The following UPK1B variants were observed in gnomAD, a reference collection of about 807,000 sequenced individuals.
UPK1B encodes the protein uroplakin 1B.
Under a neutral mutation model 34.2 loss-of-function variants are expected in UPK1B, and 28 were observed. The ratio of observed to expected loss-of-function variants is 0.82; its 90% CI spans 0.61 to 1.12. The LOEUF is 1.12. Ranked by LOEUF, UPK1B falls within the 50% of genes most tolerant of loss-of-function variation. The pLI is 0.00. For synonymous variants in UPK1B, 81 were observed against 110.4 expected, an observed-to-expected ratio of 0.73 and a Z score of 1.67; for missense variants, 325 against 320.9, an observed-to-expected ratio of 1.01 and a Z score of -0.10.
chr3:119,177,761 A>G (rs1374392252), intron 1 of UPK1B, among the ~76,000 whole-genome samples: 1 of 152,236 alleles, frequency 6.6e-6, no homozygotes, highest in African/African-American at 2.4e-5. Flanking sequence ...TGGCTTCAGA[A>G]TATCTTATTA....
At chr3:119,198,552 T>C (rs2078076701) in intron 6 of UPK1B, among the ~76,000 whole-genome samples, 1 of 152,210 alleles carries the variant, frequency 6.6e-6, no homozygotes. Context: ...TATGTTGAAA[T>C]ATAACATCAA....
rs114952474 is a variant in UPK1B, at chr3:119,185,466, A to G, written c.-28-1248A>G. The stretch of plus-strand genomic sequence containing the variant: ...AACTTTTCCTTTCTCTTTACCTGGA[A>G]TGTCACCCACCCCCACCTCACTCCC... On this transcript the variant is annotated intron_variant, in intron 1 of 7. Coordinates refer to ENST00000264234, the MANE Select transcript of UPK1B (RefSeq NM_006952.4). Among the ~76,000 whole-genome samples, 316 of 152,056 alleles carry G rather than the reference A, an allele frequency of 2.1e-3. 2 individuals carry two copies. The highest frequency in any genetic ancestry group is 0.014 in the Middle Eastern group (4 of 294).
chr3:119,200,466 C>T (rs550607292), intron 7 of UPK1B, among the ~76,000 whole-genome samples: 1 of 152,342 alleles, frequency 6.6e-6, no homozygotes, highest in East Asian at 1.9e-4. Flanking sequence ...TTGCACTTTG[C>T]ATATATCTTT....
intron 7 of UPK1B, among the ~76,000 whole-genome samples, chr3:119,202,992 G>C (rs951121402): frequency 6.6e-6 from 1 of 152,088 alleles, no homozygotes; most frequent in Non-Finnish European, 1.5e-5. Flanking sequence ...GGAGCAGGAT[G>C]GATTTGGTGT....
chr3:119,199,796 C>A (rs1192975591), intron 7 of UPK1B, among the ~76,000 whole-genome samples: 2 of 152,220 alleles, frequency 1.3e-5, no homozygotes, highest in African/African-American at 4.8e-5. Flanking sequence ...CTTAGAGAAG[C>A]AGTCACAAAC....
At chr3:119,191,367 A>G (rs1028758202) in intron 5 of UPK1B, among the ~76,000 whole-genome samples, 3 of 152,082 alleles carry the variant, frequency 2.0e-5, no homozygotes, top group African/African-American at 7.2e-5. Context: ...CCTTTTGGGT[A>G]CCTCTTCACA....
intron 7 of UPK1B, among the ~76,000 whole-genome samples, chr3:119,202,152 C>G (rs1266669976): frequency 3.3e-5 from 5 of 152,168 alleles, no homozygotes; most frequent in Non-Finnish European, 5.9e-5. Context: ...AATATTAAAT[C>G]CCCACAACAG....
intron 7 of UPK1B, among the ~76,000 whole-genome samples, chr3:119,201,050 T>A (rs2107438872): frequency 6.6e-6 from 1 of 152,354 alleles, no homozygotes; most frequent in East Asian, 1.9e-4. Flanking sequence ...TTAAATTTTT[T>A]TTTTTTACTG....
intron 1 of UPK1B, among the ~76,000 whole-genome samples, chr3:119,181,747 A>G (rs1229712337): frequency 1.3e-5 from 2 of 152,342 alleles, no homozygotes; most frequent in South Asian, 4.1e-4. Flanking sequence ...TGCGCCTACT[A>G]CATGTCAGGT....
intron 1 of UPK1B, among the ~76,000 whole-genome samples, chr3:119,183,277 T>G (rs2077997878): frequency 6.6e-6 from 1 of 151,796 alleles, no homozygotes; most frequent in African/African-American, 2.4e-5. Flanking sequence ...TTTTGTTTTT[T>G]TTTTTTTTGG....
intron 7 of UPK1B, among the ~76,000 whole-genome samples, chr3:119,199,444 C>T (rs1249888602): frequency 6.6e-6 from 1 of 151,312 alleles, no homozygotes; most frequent in African/African-American, 2.5e-5. Context: ...GTGAACTGCT[C>T]CTCCTGGTCT....
rs1330075174 is a variant in UPK1B, at chr3:119,194,339, A to G, written c.589A>G (p.Lys197Glu). The change falls in exon 6 of 8, where the codon AAA becomes GAA. Residue 197 changes from lysine (K) to glutamate (E), a missense_variant. Physicochemically the swap from Lys to Glu is moderately conservative, Grantham distance 56 (BLOSUM62 1). Transcript: ENST00000264234. The stretch of plus-strand genomic sequence containing the variant: ...TCAATGCTGTGTTATGAACAATCTT[A>G]AAGAACCTCTCAACCTGGAGGCTTG... ...PRQCCVMNNL[K>E]EPLNLEACKL... 6.2e-7 allele frequency: 1 copy of G among 1,613,816 alleles called. No homozygotes were observed. The highest frequency in any genetic ancestry group is 8.5e-7 in the Non-Finnish European group (1 of 1,179,926).
chr3:119,202,163 T>C (rs187444320), intron 7 of UPK1B, among the ~76,000 whole-genome samples: 1 of 152,300 alleles, frequency 6.6e-6, no homozygotes, highest in African/African-American at 2.4e-5. Flanking sequence ...CCCACAACAG[T>C]AGCTAAGCAG....
chr3:119,186,702 T>G lies in UPK1B; in HGVS notation c.-28-12T>G, dbSNP rs139789112. 8.1e-3 allele frequency: 13,065 copies of G among 1,605,862 alleles called. 77 individuals carry two copies. Among genetic ancestry groups the G allele is most frequent in the Non-Finnish European group, 9.9e-3 (11,593 of 1,174,398 alleles). ...AGAAACTGTAGCAGTTATTTGGTAATGCTTTCAACAGTGCCTTCAGCTTGT... is the reference window on the plus strand; with the variant it reads ...AGAAACTGTAGCAGTTATTTGGTAAGGCTTTCAACAGTGCCTTCAGCTTGT... On this transcript the variant is annotated splice_polypyrimidine_tract_variant and intron_variant, in intron 1 of 7. Transcript: ENST00000264234.
At chr3:119,184,015 TAACC>T (rs2078002259) in intron 1 of UPK1B, among the ~76,000 whole-genome samples, 1 of 152,196 alleles carries the variant, frequency 6.6e-6, no homozygotes, top group African/African-American at 2.4e-5. Flanking sequence ...CACCTTCCAA[TAACC>T]AACCCACAGC....
chr3:119,194,813 T>C (rs188424618), intron 6 of UPK1B, among the ~76,000 whole-genome samples: 208 of 152,332 alleles, frequency 1.4e-3, no homozygotes, highest in African/African-American at 4.8e-3. Context: ...AATGTAGTAA[T>C]TACACATCCA....
At position 119,190,303 on chromosome 3, in the gene UPK1B, C is replaced by G. The variant is rs377271538; in HGVS notation, c.329C>G (p.Ala110Gly). The change falls in exon 4 of 8, where the codon GCA becomes GGA. Residue 110 changes from alanine to glycine, a missense_variant. Coordinates refer to ENST00000264234, the MANE Select transcript of UPK1B (RefSeq NM_006952.4). ...GAAGTGGCATCTTGTATCACAGCAG[C>G]AACACAACAAGACTTTGTGAGTACA... Reference protein sequence around the residue: ...AFEVASCITAATQQDFFTPNL... With the variant: ...AFEVASCITAGTQQDFFTPNL... The G allele has an allele frequency of 5.8e-5, 94 of 1,611,788 alleles. No homozygotes were observed. The highest frequency in any genetic ancestry group is 7.8e-5 in the Non-Finnish European group (92 of 1,178,524).
Position 119,202,060 on chromosome 3 carries a change from A to G in UPK1B, c.733-1857A>G, listed in dbSNP as rs566897755. Reference sequence around the variant, plus strand: ...AGTTAATTCCCTCTTGAAATTCAAAAGAGGGAAGGGAAGGGAAGGGAATTA... The same window carrying G: ...AGTTAATTCCCTCTTGAAATTCAAAGGAGGGAAGGGAAGGGAAGGGAATTA... On this transcript the variant is annotated intron_variant, in intron 7 of 7. Coordinates refer to ENST00000264234, the MANE Select transcript of UPK1B (RefSeq NM_006952.4). Among the ~76,000 whole-genome samples the G allele has an allele frequency of 2.0e-5, 3 of 152,340 alleles. No homozygotes were observed. The South Asian group carries it at 6.2e-4, about 32-fold the overall frequency.
At chr3:119,200,529 A>G (rs1423423719) in intron 7 of UPK1B, among the ~76,000 whole-genome samples, 1 of 152,250 alleles carries the variant, frequency 6.6e-6, no homozygotes, top group East Asian at 1.9e-4. Flanking sequence ...AAAAAATATT[A>G]GTTCATTGTG....
Sources: allele counts gnomAD v4.1 joint callset (sites outside exome capture counted in the v4.1 genomes callset), GRCh38; gene constraint gnomAD v4.1.1; transcripts MANE v1.5; gene names NCBI Gene and HGNC (gene_info 2026-07-23, HGNC 2026-07-21).